The following NTHL1 variants were observed in gnomAD, a reference collection of about 807,000 sequenced individuals.
NTHL1 encodes endonuclease III-like protein 1.
NTHL1 carries 32 observed loss-of-function variants against 32.3 expected under a neutral mutation model. The observed-to-expected ratio is 0.99, with a 90% CI of 0.75 to 1.33. The LOEUF is 1.33. Ranked by LOEUF, NTHL1 falls within the 40% of genes most tolerant of loss-of-function variation. NTHL1 has a pLI of 0.00. For synonymous variants in NTHL1, 188 were observed against 176.9 expected (o/e 1.06, Z -0.50); for missense variants, 501 against 414.1 (o/e 1.21, Z -1.82).
In NTHL1 at chr16:2,047,717, G is replaced by C. The variant is rs772384035; in HGVS notation, c.107C>G (p.Ala36Gly). ...CCACGGCGCGGCGCTACCTGCTGCA[G>C]CCTCTCTTCTCCGGAGAGGCCCGGG... ...EEPGPLRRRE[A>G]AAEARKSHSP... Residue 36 changes from alanine to glycine, a missense_variant, in exon 1 of 6, where the codon GCT (alanine) becomes GGT (glycine). Physicochemically the swap from Ala to Gly is moderately conservative, Grantham distance 60 (BLOSUM62 0). Coordinates refer to ENST00000651570, the MANE Select transcript of NTHL1 (RefSeq NM_002528.7). 4.4e-6 allele frequency: 7 copies of C among 1,581,858 alleles called. No homozygotes were observed. Among genetic ancestry groups the C allele is most frequent in the Non-Finnish European group, 6.0e-6 (7 of 1,170,950 alleles).
In NTHL1 at chr16:2,044,229, G is replaced by A. The variant is rs763903659; in HGVS notation, c.525+401C>T. 3.8e-5 allele frequency: 14 copies of A among 363,940 alleles called. No individual in the cohort carries two copies. The highest frequency in any genetic ancestry group is 6.8e-5 in the Non-Finnish European group (13 of 190,622). 22.5% of individuals were successfully genotyped at this position (363,940 alleles called of 1,614,324 possible). A position where few individuals can be genotyped will look rare whatever the true frequency, so the allele number is the denominator to read the frequency against. ...CCACCAAGCTGCTTTCAACAGATCC[G>A]CCCACCACCATCCAGTGCTCGGCGG... On this transcript the variant is annotated intron_variant, in intron 3 of 5. Coordinates refer to ENST00000651570, the MANE Select transcript of NTHL1 (RefSeq NM_002528.7). This position sits in a 1 kb window ranked among gnomAD's most constrained non-coding sequence, Gnocchi z 5.0.
chr16:2,046,210 A>T lies in NTHL1; in HGVS notation c.272T>A (p.Ile91Asn), dbSNP rs2150945839. The change falls in exon 2 of 6, where the codon ATC becomes AAC. Residue 91 changes from isoleucine to asparagine, a missense_variant. Coordinates refer to ENST00000651570, the MANE Select transcript of NTHL1 (RefSeq NM_002528.7). ...ATCCTTTTTGTTCCTCATGGCACGGATGTTGACCAGCTGTTGCTGCCAGTC... is the reference window on the plus strand; with the variant it reads ...ATCCTTTTTGTTCCTCATGGCACGGTTGTTGACCAGCTGTTGCTGCCAGTC... ...PQDWQQQLVN[I>N]RAMRNKKDAP... The T allele has an allele frequency of 6.2e-7, 1 of 1,613,166 alleles. No individual in the cohort carries two copies. Among genetic ancestry groups the T allele is most frequent in the Non-Finnish European group, 8.5e-7 (1 of 1,180,000 alleles).
At position 2,046,178 on chromosome 16, in the gene NTHL1, C is replaced by T. The variant is rs1333635641; in HGVS notation, c.304G>A (p.Val102Met). The change falls in exon 2 of 6, where the codon GTG becomes ATG. Residue 102 changes from valine (V) to methionine (M), a missense_variant. Coordinates refer to ENST00000651570, the MANE Select transcript of NTHL1 (RefSeq NM_002528.7). ...CAGTGCTCAGTCCCCAGATGGTCCA[C>T]AGGTGCATCCTTTTTGTTCCTCATG... The part of the protein sequence containing the change: ...RAMRNKKDAP[V>M]DHLGTEHCYD... The T allele has an allele frequency of 3.7e-6, 6 of 1,613,288 alleles. No homozygotes were observed. The Admixed American group carries it at 8.3e-5, about 22-fold the overall frequency.
rs1052237474 is a variant in NTHL1, at chr16:2,044,109, G to A, written c.526-383C>T. The A allele has an allele frequency of 2.2e-5, 8 of 371,698 alleles. 1 individual carries two copies. The highest frequency in any genetic ancestry group is 8.3e-5 in the African/African-American group (4 of 48,368). The allele number at this position is 371,698 out of a possible 1,614,324, so 23.0% of individuals were successfully genotyped here. ...TTCCCCACCAGCTGCCAGGCCTGCC[G>A]GGTGGTTCCCATCCTGTGCCTGAGT... On this transcript the variant is annotated intron_variant, in intron 3 of 5. Coordinates refer to ENST00000651570, the MANE Select transcript of NTHL1 (RefSeq NM_002528.7). This position sits in a 1 kb window ranked among gnomAD's most constrained non-coding sequence, Gnocchi z 5.0.
rs773331581 is a variant in NTHL1, at chr16:2,039,942, C to T, written c.897G>A (p.Pro299=). Residue 299 remains proline (P), a synonymous_variant, in exon 6 of 6, where the codon CCG becomes CCA. Transcript: ENST00000651570. ...CHACLNQALC[P]AAQGL ...GCGGCCATCAGAGACCCTGGGCGGCCGGGCAGAGGGCTTGGTTGAGGCAGG... is the reference window on the plus strand; with the variant it reads ...GCGGCCATCAGAGACCCTGGGCGGCTGGGCAGAGGGCTTGGTTGAGGCAGG... The T allele has an allele frequency of 1.4e-5, 23 of 1,604,122 alleles. No individual in the cohort carries two copies. The highest frequency in any genetic ancestry group is 3.3e-4 in the Middle Eastern group (2 of 6,036).
Position 2,039,943 on chromosome 16 carries a change from G to T in NTHL1, c.896C>A (p.Pro299Gln). ...CGGCCATCAGAGACCCTGGGCGGCC[G>T]GGCAGAGGGCTTGGTTGAGGCAGGC... ...CHACLNQALC[P>Q]AAQGL Residue 299 changes from proline to glutamine, a missense_variant, in exon 6 of 6, where the codon CCG (proline) becomes CAG (glutamine). By Grantham distance (76) the Pro-to-Gln change is moderately conservative. Transcript: ENST00000651570. 6.2e-7 allele frequency: 1 copy of T among 1,604,456 alleles called. No homozygotes were observed. The highest frequency in any genetic ancestry group is 8.5e-7 in the Non-Finnish European group (1 of 1,179,858).
rs1214785743 is a variant in NTHL1, at chr16:2,043,379, A to G, written c.685+188T>C. On this transcript the variant is annotated intron_variant, in intron 4 of 5. Transcript: ENST00000651570. The surrounding 1 kb of genome is among the most constrained non-coding windows in gnomAD (Gnocchi z 4.4). ...CCTGCACGGAGCAGGTGCTCAGCCC[A>G]TGTGACCTCCTGCCCCAGCACCTGT... is the stretch of plus-strand genomic sequence containing the variant. 1 of 726,886 alleles carries G rather than the reference A, an allele frequency of 1.4e-6. No individual in the cohort carries two copies. The allele number at this position is 726,886 out of a possible 1,614,324, so 45.0% of individuals were successfully genotyped here. A position where few individuals can be genotyped will look rare whatever the true frequency, so the allele number is the denominator to read the frequency against.
chr16:2,044,600 C>T lies in NTHL1; in HGVS notation c.525+30G>A, dbSNP rs1012994792. 1.9e-6 allele frequency: 3 copies of T among 1,598,636 alleles called. No individual in the cohort carries two copies. Among genetic ancestry groups the T allele is most frequent in the African/African-American group, 1.3e-5 (1 of 74,996 alleles). On this transcript the variant is annotated intron_variant, in intron 3 of 5. Coordinates refer to ENST00000651570, the MANE Select transcript of NTHL1 (RefSeq NM_002528.7). The surrounding 1 kb of genome is among the most constrained non-coding windows in gnomAD (Gnocchi z 5.0). Reference sequence around the variant, plus strand: ...GAGGTCTCTCTCAGGCCACTGCCACCCGGCCCCCGTTGCCACAGGCAGGGC... The same window carrying T: ...GAGGTCTCTCTCAGGCCACTGCCACTCGGCCCCCGTTGCCACAGGCAGGGC...
At position 2,046,278 on chromosome 16, in the gene NTHL1, AC is replaced by A. The variant is rs1555492819; in HGVS notation, c.203del (p.Gly68ValfsTer27). ...GCACCTTGAGGGGCTCAGCCCCCTC[AC>A]CTTTCTCACTGTCCGAGCCCTCATA... Reference protein sequence around the residue: ...VAYEGSDSEKGEGAEPLKVPV... With the variant: ...VAYEGSDSEKXEGAEPLKVPV... On this transcript the variant is annotated frameshift_variant, in exon 2 of 6. Transcript: ENST00000651570. LOFTEE classifies it high-confidence loss of function. 2.5e-6 allele frequency: 4 copies of A among 1,613,154 alleles called. No individual in the cohort carries two copies. The highest frequency in any genetic ancestry group is 3.4e-6 in the Non-Finnish European group (4 of 1,179,970).
rs1039338012 is a variant in NTHL1 at position 2,044,871 on chromosome 16, C to G, written c.355-71G>C. 6.8e-7 allele frequency: 1 copy of G among 1,477,962 alleles called. No individual in the cohort carries two copies. 91.6% of individuals were successfully genotyped at this position (1,477,962 alleles called of 1,614,324 possible). ...GATTCCCTGGCCAGGCTCCGCCCCC[C>G]GCCCTCGACACACCCTGGTTTGTTG... On this transcript the variant is annotated intron_variant, in intron 2 of 5. Coordinates refer to ENST00000651570, the MANE Select transcript of NTHL1 (RefSeq NM_002528.7). This position sits in a 1 kb window ranked among gnomAD's most constrained non-coding sequence, Gnocchi z 5.0.
At chr16:2,042,462 G>A (rs2084280511) in intron 4 of NTHL1, among the ~76,000 whole-genome samples, 1 of 152,126 alleles carries the variant, frequency 6.6e-6, no homozygotes, top group Non-Finnish European at 1.5e-5. Flanking sequence ...AGAGGCCCCC[G>A]GCCCTTGGTG....
chr16:2,046,265 G>A lies in NTHL1; in HGVS notation c.217C>T (p.Pro73Ser). 6.2e-7 allele frequency: 1 copy of A among 1,613,262 alleles called. No homozygotes were observed. The highest frequency in any genetic ancestry group is 8.5e-7 in the Non-Finnish European group (1 of 1,180,014). Residue 73 changes from proline to serine, a missense_variant, in exon 2 of 6, where the codon CCC (proline) becomes TCC (serine). Coordinates refer to ENST00000651570, the MANE Select transcript of NTHL1 (RefSeq NM_002528.7). ...SDSEKGEGAE[P>S]LKVPVWEPQD... ...GGCTCCCAGACTGGCACCTTGAGGG[G>A]CTCAGCCCCCTCACCTTTCTCACTG...
At chr16:2,045,769 G>A (rs2084341894) in intron 2 of NTHL1, among the ~76,000 whole-genome samples, 1 of 152,148 alleles carries the variant, frequency 6.6e-6, no homozygotes, top group Non-Finnish European at 1.5e-5. Flanking sequence ...AGCAAACTGA[G>A]GCTCAGAGAG....
intron 1 of NTHL1, among the ~76,000 whole-genome samples, chr16:2,046,684 C>T (rs1018643982): frequency 6.6e-6 from 1 of 152,142 alleles, no homozygotes; most frequent in Non-Finnish European, 1.5e-5. Flanking sequence ...TTAAAAAATC[C>T]TGGCCGGCCG....
In NTHL1 at chr16:2,043,479, G is replaced by T; in HGVS notation, c.685+88C>A. 6.4e-7 allele frequency: 1 copy of T among 1,560,808 alleles called. No homozygotes were observed. Among genetic ancestry groups the T allele is most frequent in the Non-Finnish European group, 8.7e-7 (1 of 1,150,134 alleles). On this transcript the variant is annotated intron_variant, in intron 4 of 5. Coordinates refer to ENST00000651570, the MANE Select transcript of NTHL1 (RefSeq NM_002528.7). This position sits in a 1 kb window ranked among gnomAD's most constrained non-coding sequence, Gnocchi z 4.4. Reference sequence around the variant, plus strand: ...TATGGGCTGGGTGGAGGACCAGCATGCTGGAAGTGGAGTCACAGGTCACAA... The same window carrying T: ...TATGGGCTGGGTGGAGGACCAGCATTCTGGAAGTGGAGTCACAGGTCACAA...
rs1431434201 is a variant in NTHL1 at position 2,044,715 on chromosome 16, C to T, written c.440G>A (p.Arg147Gln). ...GCTGTCCACCGTCAGGCCCCGCGCC[C>T]GCAGTCGCTGCATGGCGCCCGCCGT... The part of the protein sequence containing the change: ...QVTAGAMQRL[R>Q]ARGLTVDSIL... Residue 147 changes from arginine (R) to glutamine (Q), a missense_variant, in exon 3 of 6, where the codon CGG (arginine) becomes CAG (glutamine). Coordinates refer to ENST00000651570, the MANE Select transcript of NTHL1 (RefSeq NM_002528.7). The surrounding 1 kb of genome is among the most constrained non-coding windows in gnomAD (Gnocchi z 5.0). 6.2e-6 allele frequency: 10 copies of T among 1,612,336 alleles called. No homozygotes were observed. Among genetic ancestry groups the T allele is most frequent in the East Asian group, 2.2e-5 (1 of 44,890 alleles).
intron 1 of NTHL1, 34 bp from the exon 2 acceptor site, chr16:2,046,400 G>T: frequency 6.3e-7 from 1 of 1,585,712 alleles, no homozygotes. Context: ...CTCTGGTGGG[G>T]CCACAGGTGA....
chr16:2,041,447 T>G (rs1405266915), intron 4 of NTHL1, among the ~76,000 whole-genome samples: 2 of 152,016 alleles, frequency 1.3e-5, no homozygotes, highest in African/African-American at 4.8e-5. Context: ...TGTGGCATTT[T>G]TTTTTTTTTT....
At chr16:2,041,073 C>G (rs964044320) in intron 4 of NTHL1, among the ~76,000 whole-genome samples, 3 of 152,246 alleles carry the variant, frequency 2.0e-5, no homozygotes, top group African/African-American at 7.2e-5. Context: ...GTGGCCCCGG[C>G]CAGCTGCAGC....
Sources: gnomAD v4.1 joint callset for allele counts (sites outside exome capture counted in the v4.1 genomes callset) on GRCh38, gnomAD v4.1.1 for gene constraint, Gnocchi (gnomAD v3.1) non-coding constraint, MANE v1.5 for transcripts, NCBI Gene and HGNC (gene_info 2026-07-23, HGNC 2026-07-21) for gene names.